PIWIL2: variants seen among roughly 807,000 people sequenced by gnomAD.
The protein encoded by PIWIL2 is piwi like RNA-mediated gene silencing 2.
In PIWIL2, 81 loss-of-function variants were observed where a neutral mutation model predicts 116.5. The ratio of observed to expected loss-of-function variants is 0.70; its 90% confidence interval spans 0.58 to 0.84. The LOEUF (loss-of-function observed/expected upper bound fraction) is 0.84. Among genes scored for constraint, PIWIL2 ranks in the 40% least tolerant of loss-of-function variants. The pLI, the probability that PIWIL2 is intolerant of heterozygous loss-of-function variation, is 0.00. For missense variants in PIWIL2, 1,272 were observed against 1,212.3 expected (o/e 1.05, Z -0.73); for synonymous variants, 489 against 429.5 (o/e 1.14, Z -1.71).
In PIWIL2 at chr8:22,308,064, T is replaced by G. The variant is rs369112149; in HGVS notation, c.1677T>G (p.Asp559Glu). ...LMRWGLRLQKDVHKIEGRVLP... is the reference protein window; with the variant it reads ...LMRWGLRLQKEVHKIEGRVLP... ...GTTGGGGGCTCCGTCTGCAAAAGGA[T>G]GTACATAAGGTAAACCAAAAAACGT... is the stretch of plus-strand genomic sequence containing the variant. The change falls in exon 14 of 23, where the codon GAT becomes GAG. Residue 559 changes from aspartate (D) to glutamate (E), a missense_variant. Asp to Glu is a conservative substitution (Grantham distance 45). Transcript: ENST00000356766. The G allele has an allele frequency of 6.2e-7, 1 of 1,613,826 alleles. No homozygotes were observed. The highest frequency in any genetic ancestry group is 1.1e-5 in the South Asian group (1 of 91,050).
At chr8:22,288,481 G>A in intron 7 of PIWIL2, 61 bp from the exon 8 acceptor site, 2 of 1,377,530 alleles carry the variant, frequency 1.5e-6, no homozygotes, top group Admixed American at 1.9e-5. Context: ...ATTAGATTAG[G>A]ACTTGGTCAT....
At chr8:22,301,523 A>T (rs1043424037) in intron 10 of PIWIL2, among the ~76,000 whole-genome samples, 1 of 151,754 alleles carries the variant, frequency 6.6e-6, no homozygotes, top group Admixed American at 6.6e-5. Flanking sequence ...CTAAATCCTG[A>T]GCTCAAGTGA....
chr8:22,331,109 G>T (rs1179544834), intron 20 of PIWIL2, among the ~76,000 whole-genome samples: 2 of 152,158 alleles, frequency 1.3e-5, no homozygotes, highest in Non-Finnish European at 2.9e-5. Flanking sequence ...CCAGGAGGTG[G>T]AGGTTGCAGT....
intron 10 of PIWIL2, among the ~76,000 whole-genome samples, chr8:22,298,093 C>T (rs1830955037): frequency 6.6e-6 from 1 of 151,786 alleles, no homozygotes; most frequent in Non-Finnish European, 1.5e-5. Flanking sequence ...CCTGTCTCTA[C>T]AAAAAATACA....
In PIWIL2 at chr8:22,306,091, C is replaced by G. The variant is rs1031752722; in HGVS notation, c.1545+75C>G. On this transcript the variant is annotated intron_variant, in intron 13 of 22. Coordinates refer to ENST00000356766, the MANE Select transcript of PIWIL2 (RefSeq NM_018068.5). ...TTTTGGTTAACAGTTTGAGTTAGAA[C>G]CGAGCCACGTTCCAACTCTGATGTT... is the stretch of plus-strand genomic sequence containing the variant. 5 of 1,011,794 alleles carry G rather than the reference C, an allele frequency of 4.9e-6. No homozygotes were observed. In the African/African-American group the frequency reaches 7.9e-5, roughly 16 times the overall value. The allele number at this position is 1,011,794 out of a possible 1,614,324, so 62.7% of individuals were successfully genotyped here. A position where few individuals can be genotyped will look rare whatever the true frequency, so the allele number is the denominator to read the frequency against.
intron 11 of PIWIL2, among the ~76,000 whole-genome samples, chr8:22,304,457 A>T (rs898592366): frequency 1.1e-4 from 16 of 152,110 alleles, no homozygotes; most frequent in African/African-American, 3.9e-4. Flanking sequence ...TGTTTTTCTG[A>T]TTTTATTAGA....
intron 10 of PIWIL2, among the ~76,000 whole-genome samples, chr8:22,298,054 C>G (rs1045970072): frequency 6.6e-6 from 1 of 152,040 alleles, no homozygotes. Flanking sequence ...CCCAAGAGTT[C>G]GAAACCAGCC....
Position 22,293,127 on chromosome 8 carries a change from A to G in PIWIL2, c.1181+2781A>G, listed in dbSNP as rs573409425. On this transcript the variant is annotated intron_variant, in intron 10 of 22. Transcript: ENST00000356766. ...TTTTTCTTGCATGTACTTTCAGTGA[A>G]TGCCTTTGCTTTTCTGCTTAGAAAG... Among the ~76,000 whole-genome samples, 88 of 152,230 alleles carry G rather than the reference A, an allele frequency of 5.8e-4. 1 individual carries two copies. Among genetic ancestry groups the G allele is most frequent in the African/African-American group, 2.1e-3 (87 of 41,522 alleles).
intron 19 of PIWIL2, 141 bp downstream of exon 19, chr8:22,316,474 A>ATT: frequency 9.2e-6 from 5 of 540,892 alleles, no homozygotes; most frequent in Admixed American, 3.2e-5. Context: ...CTTCATGTGA[A>ATT]TTTTTTTTTT....
chr8:22,287,612 A>T lies in PIWIL2; in HGVS notation c.828A>T (p.Gly276=), dbSNP rs757141890. Residue 276 remains glycine (G), a synonymous_variant, in exon 7 of 23, where the codon GGA becomes GGT. Transcript: ENST00000356766. ...CCGGCAACGTCACTGCGTTTGATGG[A>T]TCTATTCTCTATCTGCCTGTTAAGC... is the stretch of plus-strand genomic sequence containing the variant. ...AVTGNVTAFD[G]SILYLPVKLQ... 39 of 1,611,258 alleles carry T rather than the reference A, an allele frequency of 2.4e-5. No individual in the cohort carries two copies. Among genetic ancestry groups the T allele is most frequent in the Non-Finnish European group, 3.2e-5 (38 of 1,177,502 alleles).
intron 20 of PIWIL2, among the ~76,000 whole-genome samples, chr8:22,344,501 A>G (rs75584857): frequency 0.012 from 1,895 of 152,296 alleles, 21 homozygotes; most frequent in Middle Eastern, 0.034. Flanking sequence ...AGATTCCTCT[A>G]AAAAATAGTC....
At position 22,326,317 on chromosome 8, in the gene PIWIL2, A is replaced by G. The variant is rs964979132; in HGVS notation, c.2403+8042A>G. On this transcript the variant is annotated intron_variant, in intron 20 of 22. Transcript: ENST00000356766. ...AGGTGGATTGCTTGAGCTCAGGAAT[A>G]TGAGACCAGCCTGGGCAACATGGTG... Among the ~76,000 whole-genome samples the G allele has an allele frequency of 2.6e-5, 4 of 152,148 alleles. No individual in the cohort carries two copies. The East Asian group carries it at 5.8e-4, about 22-fold the overall frequency.
At chr8:22,294,496 C>T (rs1209670477) in intron 10 of PIWIL2, among the ~76,000 whole-genome samples, 1 of 150,882 alleles carries the variant, frequency 6.6e-6, no homozygotes, top group Non-Finnish European at 1.5e-5. Flanking sequence ...AAAAAATTAG[C>T]CGGGCGTGAT....
intron 12 of PIWIL2, 49 bp from the exon 13 acceptor site, chr8:22,305,878 A>G (rs1831163992): frequency 4.4e-6 from 6 of 1,357,334 alleles, no homozygotes; most frequent in African/African-American, 1.4e-5. Flanking sequence ...GGTCGGGAAC[A>G]TGAGCCTCTT....
At chr8:22,299,381 T>C (rs1176939488) in intron 10 of PIWIL2, among the ~76,000 whole-genome samples, 3 of 152,102 alleles carry the variant, frequency 2.0e-5, no homozygotes, top group Non-Finnish European at 4.4e-5. Context: ...TGGCTAACTG[T>C]ATTTTTAGTA....
intron 16 of PIWIL2, among the ~76,000 whole-genome samples, chr8:22,312,530 CAGTG>C (rs1468304169): frequency 6.6e-6 from 1 of 151,878 alleles, no homozygotes; most frequent in African/African-American, 2.4e-5. Context: ...CCTCCCAAAG[CAGTG>C]AGATTACAGG....
At chr8:22,303,231 C>A (rs994034669) in intron 10 of PIWIL2, among the ~76,000 whole-genome samples, 3 of 152,146 alleles carry the variant, frequency 2.0e-5, no homozygotes, top group South Asian at 2.1e-4. Context: ...TATACACATA[C>A]AAACACACCA....
chr8:22,313,293 G>A (rs1431282851), intron 16 of PIWIL2, among the ~76,000 whole-genome samples: 1 of 152,182 alleles, frequency 6.6e-6, no homozygotes, highest in Non-Finnish European at 1.5e-5. Context: ...TGGGCCAGGA[G>A]GGGAGTGAAA....
intron 4 of PIWIL2, among the ~76,000 whole-genome samples, chr8:22,282,338 G>A (rs1475041858): frequency 1.6e-5 from 2 of 125,892 alleles, no homozygotes; most frequent in South Asian, 2.7e-4. Flanking sequence ...TGCAACCTCC[G>A]CCTCACACCC....
Sources: allele counts gnomAD v4.1 joint callset (sites outside exome capture counted in the v4.1 genomes callset), GRCh38; gene constraint gnomAD v4.1.1; transcripts MANE v1.5; gene names NCBI Gene and HGNC (gene_info 2026-07-23, HGNC 2026-07-21).